TTC27: variants seen among roughly 807,000 people sequenced by gnomAD.
TTC27 encodes tetratricopeptide repeat domain 27.
A neutral mutation model predicts 115.9 loss-of-function variants in TTC27; 79 were observed. That is an observed-to-expected ratio of 0.68 (90% CI 0.57 to 0.82). The LOEUF (loss-of-function observed/expected upper bound fraction) is 0.82, where lower values mean the gene tolerates loss of function less well. Among genes scored for constraint, TTC27 ranks in the 40% least tolerant of loss-of-function variants. The pLI is 0.00. For missense variants in TTC27, 1,054 were observed against 993.1 expected (o/e 1.06, Z -0.82); for synonymous variants, 401 against 356.0 (o/e 1.13, Z -1.42).
intron 16 of TTC27, among the ~76,000 whole-genome samples, chr2:32,789,105 T>C: frequency 6.6e-6 from 1 of 152,166 alleles, no homozygotes; most frequent in Middle Eastern, 3.2e-3. Flanking sequence ...ATTAAAAATA[T>C]CAGACAAAAT....
intron 1 of TTC27, among the ~76,000 whole-genome samples, chr2:32,629,314 T>G (rs1490553904): frequency 6.6e-6 from 1 of 151,278 alleles, no homozygotes; most frequent in Non-Finnish European, 1.5e-5. Flanking sequence ...AGAGACGGCT[T>G]TCATCATGTT....
chr2:32,773,998 C>A (rs559876443), intron 13 of TTC27, among the ~76,000 whole-genome samples: 3 of 152,054 alleles, frequency 2.0e-5, no homozygotes, highest in Non-Finnish European at 4.4e-5. Context: ...GTGTTGAATT[C>A]ACATCAAATT....
intron 5 of TTC27, among the ~76,000 whole-genome samples, chr2:32,658,492 C>G (rs937463404): frequency 6.6e-6 from 1 of 152,196 alleles, no homozygotes; most frequent in Non-Finnish European, 1.5e-5. Flanking sequence ...AATAACGCAA[C>G]ATGTAAAATA....
chr2:32,796,828 A>T (rs1274451372), intron 16 of TTC27, among the ~76,000 whole-genome samples: 1 of 152,162 alleles, frequency 6.6e-6, no homozygotes, highest in Non-Finnish European at 1.5e-5. Flanking sequence ...TTGAACTAAA[A>T]GCTCAGAAAT....
chr2:32,709,287 A>T (rs950993115), intron 10 of TTC27, among the ~76,000 whole-genome samples: 1 of 152,206 alleles, frequency 6.6e-6, no homozygotes, highest in Admixed American at 6.5e-5. Context: ...GGAAAGGGAA[A>T]GATGTCAGTT....
intron 15 of TTC27, among the ~76,000 whole-genome samples, chr2:32,784,743 G>A (rs1162286501): frequency 6.6e-6 from 1 of 152,144 alleles, no homozygotes; most frequent in Admixed American, 6.5e-5. Context: ...GGGATCATAA[G>A]GGAGGACATA....
intron 6 of TTC27, among the ~76,000 whole-genome samples, chr2:32,665,129 G>A (rs989803628): frequency 1.3e-5 from 2 of 151,968 alleles, no homozygotes; most frequent in Admixed American, 6.6e-5. Context: ...CTACAGGTGT[G>A]AGCCACCACG....
intron 8 of TTC27, among the ~76,000 whole-genome samples, chr2:32,678,152 G>A (rs969855938): frequency 1.3e-5 from 2 of 151,576 alleles, no homozygotes; most frequent in African/African-American, 4.8e-5. Flanking sequence ...TTACTCAGGA[G>A]GCTGAGCTGG....
In TTC27 at chr2:32,789,843, C is replaced by T. The variant is rs145134667; in HGVS notation, c.1998+2694C>T. Among the ~76,000 whole-genome samples, 195 of 139,216 alleles carry T rather than the reference C, an allele frequency of 1.4e-3. 2 individuals are homozygous for T. Among genetic ancestry groups the T allele is most frequent in the African/African-American group, 5.1e-3 (190 of 36,940 alleles). The allele number at this position is 139,216 out of a possible 152,430, so 91.3% of individuals were successfully genotyped here. A position where few individuals can be genotyped will look rare whatever the true frequency, so the allele number is the denominator to read the frequency against. On this transcript the variant is annotated intron_variant, in intron 16 of 19. Coordinates refer to ENST00000317907, the MANE Select transcript of TTC27 (RefSeq NM_017735.5). ...GCTGAGGTGGGAGGGTTCCCTGAGG[C>T]TGGAGAGGTTGAAGCTGCAGTGAGC...
intron 12 of TTC27, among the ~76,000 whole-genome samples, chr2:32,751,019 C>T (rs1003425903): frequency 3.3e-5 from 5 of 152,126 alleles, no homozygotes; most frequent in African/African-American, 1.2e-4. Flanking sequence ...ATAGGACAAG[C>T]ATACTTCTCT....
intron 16 of TTC27, among the ~76,000 whole-genome samples, chr2:32,790,135 C>T (rs1331301034): frequency 6.6e-6 from 1 of 151,808 alleles, no homozygotes; most frequent in Admixed American, 6.6e-5. Flanking sequence ...TTTTAGTGGT[C>T]ATAGTCTTAG....
chr2:32,766,032 A>C (rs1669614464), intron 13 of TTC27, among the ~76,000 whole-genome samples: 1 of 152,166 alleles, frequency 6.6e-6, no homozygotes. Flanking sequence ...CTGGAGGAGC[A>C]CTTTTAATTT....
chr2:32,704,615 C>T (rs1011484085), intron 10 of TTC27, among the ~76,000 whole-genome samples: 1 of 152,194 alleles, frequency 6.6e-6, no homozygotes, highest in Non-Finnish European at 1.5e-5. Context: ...CTCATAACAT[C>T]CTTTGTAGCA....
At chr2:32,673,618 C>G (rs1559199508) in intron 8 of TTC27, among the ~76,000 whole-genome samples, 1 of 152,164 alleles carries the variant, frequency 6.6e-6, no homozygotes. Context: ...GGGTTTGCCC[C>G]ACTACTGGTG....
At chr2:32,681,822 T>G (rs945465079) in intron 9 of TTC27, among the ~76,000 whole-genome samples, 1 of 152,090 alleles carries the variant, frequency 6.6e-6, no homozygotes, top group Non-Finnish European at 1.5e-5. Flanking sequence ...AGGATGTAAC[T>G]CCATCATATG....
intron 4 of TTC27, among the ~76,000 whole-genome samples, chr2:32,645,228 T>C (rs945242780): frequency 6.6e-5 from 10 of 152,188 alleles, no homozygotes; most frequent in Non-Finnish European, 1.3e-4. Flanking sequence ...TAGACTAGAA[T>C]TGGTACTATG....
intron 16 of TTC27, among the ~76,000 whole-genome samples, chr2:32,803,017 A>G (rs750967907): frequency 9.9e-5 from 15 of 152,140 alleles, no homozygotes; most frequent in Non-Finnish European, 1.6e-4. Flanking sequence ...TCAACTGGTA[A>G]TATGTACTTG....
chr2:32,664,874 C>G (rs560377330), intron 6 of TTC27, among the ~76,000 whole-genome samples: 9 of 151,740 alleles, frequency 5.9e-5, no homozygotes, highest in East Asian at 1.9e-4. Flanking sequence ...GCTCTGTCGC[C>G]CAGGCTGGAG....
chr2:32,819,554 G>A (rs2148055073), intron 19 of TTC27, among the ~76,000 whole-genome samples: 1 of 152,302 alleles, frequency 6.6e-6, no homozygotes. Flanking sequence ...TAAATTGCTT[G>A]CAGCCTATGT....
Sources: gnomAD v4.1 joint callset for allele counts (sites outside exome capture counted in the v4.1 genomes callset) on GRCh38, gnomAD v4.1.1 for gene constraint, MANE v1.5 for transcripts, NCBI Gene and HGNC (gene_info 2026-07-23, HGNC 2026-07-21) for gene names.